Variants in NFIB observed in about 807,000 individuals in gnomAD.
NFIB encodes the protein nuclear factor 1 B-type.
NFIB carries 11 observed loss-of-function variants against 61.5 expected under a neutral mutation model. The ratio of observed to expected loss-of-function variants is 0.18; its 90% CI spans 0.11 to 0.30. NFIB has a LOEUF of 0.30. NFIB is among the 10% of genes least tolerant of loss of function. NFIB has a pLI of 1.00. For synonymous variants in NFIB, 260 were observed against 216.5 expected (o/e 1.20, Z -1.76); for missense variants, 471 against 608.9 (o/e 0.77, Z 2.38).
chr9:14,257,207 T>A (rs1384590612), intron 2 of NFIB, among the ~76,000 whole-genome samples: 1 of 152,186 alleles, frequency 6.6e-6, no homozygotes, highest in Non-Finnish European at 1.5e-5. Flanking sequence ...AGTACGAGGT[T>A]ACTCTGAATA....
intron 10 of NFIB, among the ~76,000 whole-genome samples, chr9:14,100,491 G>A (rs1249904651): frequency 6.6e-6 from 1 of 151,826 alleles, no homozygotes; most frequent in East Asian, 1.9e-4. Flanking sequence ...GGCAGATCAC[G>A]AGGTTAGGAG....
intron 1 of NFIB, among the ~76,000 whole-genome samples, chr9:14,338,070 C>G (rs2132865933): frequency 6.6e-6 from 1 of 152,166 alleles, no homozygotes; most frequent in Admixed American, 6.5e-5. Context: ...TGTATGTTGC[C>G]ATTAACTCAG....
At chr9:14,226,090 C>A (rs1324669518) in intron 2 of NFIB, among the ~76,000 whole-genome samples, 1 of 147,408 alleles carries the variant, frequency 6.8e-6, no homozygotes, top group African/African-American at 2.7e-5. Context: ...TTTTAAAGAG[C>A]ATTTTTTTTT....
At chr9:14,267,738 C>T (rs1370557464) in intron 2 of NFIB, among the ~76,000 whole-genome samples, 1 of 152,186 alleles carries the variant, frequency 6.6e-6, no homozygotes, top group Non-Finnish European at 1.5e-5. Flanking sequence ...GTCTTGTACG[C>T]TACTGTATCC....
At chr9:14,299,939 G>A (rs1223037184) in intron 2 of NFIB, among the ~76,000 whole-genome samples, 1 of 152,132 alleles carries the variant, frequency 6.6e-6, no homozygotes, top group Admixed American at 6.5e-5. Flanking sequence ...CCAATTTTCT[G>A]AATAATATAA....
chr9:14,406,112 G>A, the NFIB span, among the ~76,000 whole-genome samples: 1 of 152,106 alleles, frequency 6.6e-6, no homozygotes, highest in Non-Finnish European at 1.5e-5. Flanking sequence ...AGGAGGAAAA[G>A]GACAAAGAAG....
chr9:14,276,642 A>T (rs1941266710), intron 2 of NFIB, among the ~76,000 whole-genome samples: 1 of 152,164 alleles, frequency 6.6e-6, no homozygotes, highest in African/African-American at 2.4e-5. Flanking sequence ...TCTCATCTTT[A>T]GATGAGTAAT....
intron 2 of NFIB, among the ~76,000 whole-genome samples, chr9:14,200,548 T>C (rs1447479443): frequency 6.6e-6 from 1 of 152,188 alleles, no homozygotes; most frequent in Non-Finnish European, 1.5e-5. Context: ...CGACTTGACT[T>C]TCCCAGACTC....
the NFIB span, among the ~76,000 whole-genome samples, chr9:14,418,017 G>A: frequency 6.6e-6 from 1 of 152,014 alleles, no homozygotes; most frequent in African/African-American, 2.4e-5. Flanking sequence ...GACCTCAGGT[G>A]ATCCACCCAC....
the NFIB span, among the ~76,000 whole-genome samples, chr9:14,448,413 ATTGAT>A: frequency 9.5e-4 from 144 of 152,326 alleles, no homozygotes; most frequent in Middle Eastern, 6.8e-3. Context: ...TAAAATCTGA[ATTGAT>A]TTAACTATTT....
chr9:14,423,196 T>G, the NFIB span, among the ~76,000 whole-genome samples: 3 of 152,214 alleles, frequency 2.0e-5, no homozygotes, highest in African/African-American at 4.8e-5. Context: ...CTGAGAGTAG[T>G]AATCAGATCG....
chr9:14,247,443 T>C, intron 2 of NFIB, among the ~76,000 whole-genome samples: 1 of 152,132 alleles, frequency 6.6e-6, no homozygotes, highest in East Asian at 1.9e-4. Flanking sequence ...TTCAAATCCC[T>C]GACCTAGAAA....
chr9:14,503,098 ATATATATATGTGTG>A, the NFIB span, among the ~76,000 whole-genome samples: 1 of 150,250 alleles, frequency 6.7e-6, no homozygotes, highest in African/African-American at 2.5e-5. Flanking sequence ...GTATATATAT[ATATATATATGTGTG>A]TATGTGTGTG....
intron 6 of NFIB, among the ~76,000 whole-genome samples, chr9:14,128,263 G>T (rs576551374): frequency 6.6e-6 from 1 of 152,152 alleles, no homozygotes; most frequent in African/African-American, 2.4e-5. Flanking sequence ...TTAACTGTTT[G>T]AAAAAGAAAC....
intron 2 of NFIB, among the ~76,000 whole-genome samples, chr9:14,191,221 G>C (rs938875081): frequency 6.6e-6 from 1 of 151,996 alleles, no homozygotes; most frequent in Non-Finnish European, 1.5e-5. Context: ...CCAACTACTC[G>C]AGAGGCTAAG....
chr9:14,387,067 G>C (rs2061557923), intron 1 of NFIB, among the ~76,000 whole-genome samples: 1 of 152,202 alleles, frequency 6.6e-6, no homozygotes, highest in South Asian at 2.1e-4. Context: ...TTGGGAAATG[G>C]TGTGAGATTC....
the NFIB span, among the ~76,000 whole-genome samples, chr9:14,406,667 G>C: frequency 2.0e-5 from 3 of 152,142 alleles, no homozygotes; most frequent in African/African-American, 7.2e-5. Context: ...GTGGTCACGT[G>C]ACTAATTTCT....
In NFIB at chr9:14,175,349, T is replaced by C. The variant is rs543270584; in HGVS notation, c.616+4378A>G. 3.9e-5 allele frequency among the ~76,000 whole-genome samples: 6 copies of C among 151,908 alleles called. No individual in the cohort carries two copies. The South Asian group carries it at 6.3e-4, about 16-fold the overall frequency. ...CCACCATGCCCGGCTAATTTTTTTG[T>C]ATTTTTAGTAGAGACGGGGTTTCAC... On this transcript the variant is annotated intron_variant, in intron 3 of 10. Transcript: ENST00000380953.
the NFIB span, among the ~76,000 whole-genome samples, chr9:14,450,641 AG>A: frequency 6.6e-6 from 1 of 152,080 alleles, no homozygotes; most frequent in Non-Finnish European, 1.5e-5. Context: ...CAGATGTTAC[AG>A]CACCCCTCCC....
Sources: allele counts gnomAD v4.1 joint callset (sites outside exome capture counted in the v4.1 genomes callset), GRCh38; gene constraint gnomAD v4.1.1; transcripts MANE v1.5; gene names NCBI Gene and HGNC (gene_info 2026-07-23, HGNC 2026-07-21).